LGR6: variants seen among roughly 807,000 people sequenced by gnomAD.
The protein encoded by LGR6 is leucine-rich repeat-containing G protein-coupled receptor 6.
A neutral mutation model predicts 69.4 loss-of-function variants in LGR6; 45 were observed. The ratio of observed to expected loss-of-function variants is 0.65; its 90% CI spans 0.51 to 0.83. LGR6 has a LOEUF of 0.83. LGR6 is among the 40% of genes least tolerant of loss of function. LGR6 has a pLI of 0.00. For synonymous variants in LGR6, 538 were observed against 555.0 expected, an observed-to-expected ratio of 0.97 and a Z score of 0.43; for missense variants, 1,108 against 1,246.7, an observed-to-expected ratio of 0.89 and a Z score of 1.68.
chr1:202,294,560 C>T (rs986755083), intron 6 of LGR6, among the ~76,000 whole-genome samples: 5 of 152,128 alleles, frequency 3.3e-5, no homozygotes, highest in East Asian at 3.9e-4. Flanking sequence ...TATTGGTTGT[C>T]GGCTGGTCTT....
At chr1:202,236,091 C>A in intron 4 of LGR6, 98 bp downstream of exon 4, 2 of 951,514 alleles carry the variant, frequency 2.1e-6, no homozygotes, top group Non-Finnish European at 3.3e-6. Flanking sequence ...CCTCTGCAGG[C>A]GCCCCCTCTC....
intron 1 of LGR6, among the ~76,000 whole-genome samples, chr1:202,221,761 G>A (rs3010070): frequency 0.76 from 115,069 of 152,134 alleles, 45,349 homozygotes; most frequent in East Asian, 0.94. Context: ...TCTTGTACAT[G>A]TCTACAAGTT....
At position 202,319,375 on chromosome 1, in the gene LGR6, A is replaced by T; in HGVS notation, c.*168A>T. 1 of 671,094 alleles carries T rather than the reference A, an allele frequency of 1.5e-6. No homozygotes were observed. 41.6% of individuals were successfully genotyped at this position (671,094 alleles called of 1,614,324 possible). A position where few individuals can be genotyped will look rare whatever the true frequency, so the allele number is the denominator to read the frequency against. On this transcript the variant is annotated 3_prime_UTR_variant, in exon 18 of 18. Coordinates refer to ENST00000367278, the MANE Select transcript of LGR6 (RefSeq NM_001017403.2). ...CACCTCTCTCCTGTGACCATCACCA[A>T]CGGGTGCCTCTTGGCCTGGCTTTCC...
At chr1:202,195,162 G>A (rs545919178) in intron 1 of LGR6, among the ~76,000 whole-genome samples, 52 of 95,422 alleles carry the variant, frequency 5.4e-4, no homozygotes, top group Non-Finnish European at 9.7e-4. Flanking sequence ...GGAGCTGGGA[G>A]CAGGTGGGAA....
At chr1:202,218,148 AAC>A (rs770881837) in intron 1 of LGR6, among the ~76,000 whole-genome samples, 6 of 152,298 alleles carry the variant, frequency 3.9e-5, no homozygotes, top group Non-Finnish European at 7.4e-5. Context: ...ACCTACTTGT[AAC>A]ACCCACTCTG....
At chr1:202,292,506 G>A (rs1666866547) in intron 6 of LGR6, among the ~76,000 whole-genome samples, 1 of 152,228 alleles carries the variant, frequency 6.6e-6, no homozygotes, top group Non-Finnish European at 1.5e-5. Flanking sequence ...GGCTTCTTGG[G>A]AGCTTGCCAC....
intron 1 of LGR6, among the ~76,000 whole-genome samples, chr1:202,220,142 C>T (rs570935809): frequency 5.3e-5 from 8 of 151,882 alleles, no homozygotes; most frequent in Non-Finnish European, 1.2e-4. Flanking sequence ...GGCCTCTCAA[C>T]GTGCTGGGAT....
intron 2 of LGR6, among the ~76,000 whole-genome samples, chr1:202,226,655 A>G (rs1660574778): frequency 6.6e-6 from 1 of 152,156 alleles, no homozygotes; most frequent in Admixed American, 6.5e-5. Flanking sequence ...AAAACAAGAT[A>G]AAAGCCTTCC....
At chr1:202,255,614 A>G (rs1663703389) in intron 4 of LGR6, among the ~76,000 whole-genome samples, 1 of 152,092 alleles carries the variant, frequency 6.6e-6, no homozygotes, top group Non-Finnish European at 1.5e-5. Flanking sequence ...AAACATGTTT[A>G]TTTTTGCTCT....
At chr1:202,314,667 G>T (rs1654004597) in intron 16 of LGR6, 135 bp from the exon 17 acceptor site, 13 of 660,416 alleles carry the variant, frequency 2.0e-5, no homozygotes. Flanking sequence ...AGAAATGGAT[G>T]TGCCGGGTTG....
intron 6 of LGR6, among the ~76,000 whole-genome samples, chr1:202,284,801 GA>G (rs919840382): frequency 1.3e-5 from 2 of 152,354 alleles, no homozygotes; most frequent in African/African-American, 4.8e-5. Flanking sequence ...CTTGATGGCT[GA>G]ATCTCAGCTA....
intron 7 of LGR6, among the ~76,000 whole-genome samples, chr1:202,300,008 G>T (rs746115968): frequency 6.6e-6 from 1 of 152,162 alleles, no homozygotes; most frequent in Non-Finnish European, 1.5e-5. Context: ...TCATTCAGCG[G>T]CCCATTCCGC....
intron 1 of LGR6, among the ~76,000 whole-genome samples, chr1:202,223,847 T>TG (rs77131706): frequency 1 from 139,581 of 139,650 alleles, 69,757 homozygotes; most frequent in Middle Eastern, 1. Context: ...CACAGGCCTG[T>TG]GAAAAGGCAC....
At chr1:202,273,178 G>A (rs1046883083) in intron 4 of LGR6, among the ~76,000 whole-genome samples, 2 of 152,152 alleles carry the variant, frequency 1.3e-5, no homozygotes, top group African/African-American at 2.4e-5. Context: ...TACAGGACAC[G>A]GTACCTGGTA....
chr1:202,303,378 A>T (rs200259622), intron 10 of LGR6, 31 bp downstream of exon 10: 194 of 1,562,160 alleles, frequency 1.2e-4, no homozygotes, highest in Non-Finnish European at 1.7e-4. Flanking sequence ...TACCTTATCT[A>T]TCGCCCCAGC....
chr1:202,232,888 C>G (rs1352921867), intron 3 of LGR6, among the ~76,000 whole-genome samples: 1 of 152,202 alleles, frequency 6.6e-6, no homozygotes, highest in African/African-American at 2.4e-5. Context: ...TGAGCCTTCA[C>G]CTCCTCATCT....
intron 4 of LGR6, among the ~76,000 whole-genome samples, chr1:202,240,404 C>T (rs538085572): frequency 9.3e-5 from 14 of 149,984 alleles, no homozygotes; most frequent in Non-Finnish European, 1.8e-4. Flanking sequence ...CATGAAAGAA[C>T]GAATGAACAG....
Position 202,318,355 on chromosome 1 carries a change from C to G in LGR6, c.2052C>G (p.Gly684=). The change falls in exon 18 of 18, where the codon GGC becomes GGG. Residue 684 remains glycine (G), a synonymous_variant. Coordinates refer to ENST00000367278, the MANE Select transcript of LGR6 (RefSeq NM_001017403.2). ...CCTATGGGAAGTCCCCCTCCCTGGGCAGCGTTCGAGCAGGGGTCCTAGGCT... is the reference window on the plus strand; with the variant it reads ...CCTATGGGAAGTCCCCCTCCCTGGGGAGCGTTCGAGCAGGGGTCCTAGGCT... ...VRAYGKSPSL[G]SVRAGVLGCL... is the part of the protein sequence containing the mutation. 6.3e-7 allele frequency: 1 copy of G among 1,598,972 alleles called. No individual in the cohort carries two copies. Among genetic ancestry groups the G allele is most frequent in the Non-Finnish European group, 8.5e-7 (1 of 1,172,508 alleles).
At chr1:202,206,604 C>T (rs1659241198) in intron 1 of LGR6, among the ~76,000 whole-genome samples, 1 of 152,098 alleles carries the variant, frequency 6.6e-6, no homozygotes, top group Non-Finnish European at 1.5e-5. Flanking sequence ...GGCTGGAGTG[C>T]AATGGTACGA....
Sources: allele counts gnomAD v4.1 joint callset (sites outside exome capture counted in the v4.1 genomes callset), GRCh38; gene constraint gnomAD v4.1.1; transcripts MANE v1.5; gene names NCBI Gene and HGNC (gene_info 2026-07-23, HGNC 2026-07-21).